Variants in SHANK2 observed in about 807,000 individuals in gnomAD.
SHANK2 encodes SH3 and multiple ankyrin repeat domains protein 2.
Under a neutral mutation model 133.7 loss-of-function variants are expected in SHANK2, and 43 were observed. That is an observed-to-expected ratio of 0.32 (90% CI 0.25 to 0.41). The LOEUF is 0.41. SHANK2 is among the 10% of genes least tolerant of loss of function. The probability of loss-of-function intolerance (pLI) is 1.00; values close to 1 mark genes in which losing one functional copy is unlikely to be tolerated. For synonymous variants in SHANK2, 1,017 were observed against 952.8 expected (o/e 1.07, Z -1.24); for missense variants, 1,994 against 2,235.8 (o/e 0.89, Z 2.18).
At chr11:70,929,333 A>G (rs552165449) in intron 10 of SHANK2, among the ~76,000 whole-genome samples, 1 of 152,292 alleles carries the variant, frequency 6.6e-6, no homozygotes, top group African/African-American at 2.4e-5. Context: ...AGCTGCTGGG[A>G]AGATTCAGTG....
intron 10 of SHANK2, among the ~76,000 whole-genome samples, chr11:70,896,857 A>G (rs1460786335): frequency 2.0e-5 from 3 of 152,176 alleles, no homozygotes; most frequent in African/African-American, 7.2e-5. Context: ...GCAGCTGAGG[A>G]TTCAACCAGG....
Position 70,468,349 on chromosome 11 carries a change from G to A in SHANK2, c.*4520C>T, listed in dbSNP as rs1476481688. The stretch of plus-strand genomic sequence containing the variant: ...AAAATCACCAATACAGCATGGATTA[G>A]AAATCAAAGTGATGAGATCTGCGGA... On this transcript the variant is annotated 3_prime_UTR_variant, in exon 26 of 26. Coordinates refer to ENST00000601538, the MANE Select transcript of SHANK2 (RefSeq NM_012309.5). The A allele has an allele frequency of 1.3e-5, 2 of 152,180 alleles. No individual in the cohort carries two copies. Among genetic ancestry groups the A allele is most frequent in the Non-Finnish European group, 2.9e-5 (2 of 68,032 alleles). 9.4% of individuals were successfully genotyped at this position (152,180 alleles called of 1,614,324 possible).
At chr11:71,240,801 G>C (rs1221804919) in intron 1 of SHANK2, 1 of 152,216 alleles carries the variant, frequency 6.6e-6, no homozygotes, top group East Asian at 1.9e-4. Flanking sequence ...TGCACCTGTA[G>C]TCTGTGTGTC....
At chr11:70,584,968 C>T (rs148948362) in intron 17 of SHANK2, among the ~76,000 whole-genome samples, 5 of 152,190 alleles carry the variant, frequency 3.3e-5, no homozygotes, top group Non-Finnish European at 7.3e-5. Flanking sequence ...TGCCTGAGAT[C>T]GTCAGCGGAG....
In SHANK2 at chr11:70,471,810, C is replaced by T. The variant is rs1296870552; in HGVS notation, c.*1059G>A. ...CAGAACTGAGGATGCTGTGCCCGCC[C>T]AGCTCCCAGAGGAGACGCTGTCTCA... is the stretch of plus-strand genomic sequence containing the variant. On this transcript the variant is annotated 3_prime_UTR_variant, in exon 26 of 26. Coordinates refer to ENST00000601538, the MANE Select transcript of SHANK2 (RefSeq NM_012309.5). The surrounding 1 kb of genome is among the most constrained non-coding windows in gnomAD (Gnocchi z 4.1). The T allele has an allele frequency of 5.4e-5, 9 of 165,606 alleles. No individual in the cohort carries two copies. In the East Asian group the frequency reaches 1.3e-3, roughly 24 times the overall value. 10.3% of individuals were successfully genotyped at this position (165,606 alleles called of 1,614,324 possible).
At position 70,783,790 on chromosome 11, in the gene SHANK2, G is replaced by A. The variant is rs180754885; in HGVS notation, c.1777+14653C>T. Among the ~76,000 whole-genome samples, 436 of 152,242 alleles carry A rather than the reference G, an allele frequency of 2.9e-3. 3 individuals are homozygous for A. Among genetic ancestry groups the A allele is most frequent in the African/African-American group, 0.01 (422 of 41,548 alleles). On this transcript the variant is annotated intron_variant, in intron 14 of 25. Transcript: ENST00000601538. ...GTGAACCTCTCTGTATGCTTGTTAC[G>A]CGCCACACAGAAAAATTAAAAATAA... is the stretch of plus-strand genomic sequence containing the variant.
intron 17 of SHANK2, among the ~76,000 whole-genome samples, chr11:70,540,377 C>CT (rs1565112301): frequency 6.6e-6 from 1 of 151,778 alleles, no homozygotes; most frequent in Non-Finnish European, 1.5e-5. Context: ...GGCTGGGGCC[C>CT]CTCCCTCCTG....
intron 17 of SHANK2, among the ~76,000 whole-genome samples, chr11:70,621,780 C>T (rs1431477646): frequency 6.6e-6 from 1 of 152,166 alleles, no homozygotes; most frequent in Non-Finnish European, 1.5e-5. Context: ...GGGGATGATC[C>T]ATTGCTGTAA....
At chr11:70,561,334 G>A (rs1365661093) in intron 17 of SHANK2, among the ~76,000 whole-genome samples, 1 of 151,928 alleles carries the variant, frequency 6.6e-6, no homozygotes, top group Non-Finnish European at 1.5e-5. Context: ...TTGTATTTCA[G>A]TAGAGACAAG....
chr11:70,482,934 C>T (rs1591483283), intron 25 of SHANK2, among the ~76,000 whole-genome samples: 1 of 152,190 alleles, frequency 6.6e-6, no homozygotes, highest in Non-Finnish European at 1.5e-5. Context: ...GCTGGCCCAG[C>T]CTGAAGACGA....
At chr11:71,203,758 C>A (rs192685971) in intron 2 of SHANK2, among the ~76,000 whole-genome samples, 83 of 152,252 alleles carry the variant, frequency 5.5e-4, no homozygotes, top group African/African-American at 1.9e-3. Flanking sequence ...ACAGTGGGGA[C>A]CCCAGGCCAC....
At chr11:70,476,230 A>C (rs972462556) in intron 25 of SHANK2, among the ~76,000 whole-genome samples, 1 of 152,098 alleles carries the variant, frequency 6.6e-6, no homozygotes, top group Non-Finnish European at 1.5e-5. Context: ...TTCTTCTCAA[A>C]AACAACAACA....
At chr11:71,178,688 C>G (rs1163706432) in intron 2 of SHANK2, among the ~76,000 whole-genome samples, 2 of 152,142 alleles carry the variant, frequency 1.3e-5, no homozygotes, top group African/African-American at 2.4e-5. Context: ...AAAAAGCATA[C>G]TTAGTATTAA....
In SHANK2 at chr11:70,486,767, T is replaced by G. The variant is rs782202182; in HGVS notation, c.3526A>C (p.Thr1176Pro). 1.2e-6 allele frequency: 2 copies of G among 1,611,366 alleles called. No homozygotes were observed. Among genetic ancestry groups the G allele is most frequent in the South Asian group, 2.2e-5 (2 of 91,072 alleles). The change falls in exon 25 of 26, where the codon ACG becomes CCG. Residue 1176 changes from threonine (T) to proline (P), a missense_variant. By Grantham distance (38) the Thr-to-Pro change is conservative. Coordinates refer to ENST00000601538, the MANE Select transcript of SHANK2 (RefSeq NM_012309.5). The surrounding 1 kb of genome is among the most constrained non-coding windows in gnomAD (Gnocchi z 8.0). ...CTCTCGGGCCCCTGGGCTTTGGACGTGGAATTCAGCGGCCTCCCAGCCTCA... is the reference window on the plus strand; with the variant it reads ...CTCTCGGGCCCCTGGGCTTTGGACGGGGAATTCAGCGGCCTCCCAGCCTCA... ...PGEAGRPLNS[T>P]SKAQGPESSP...
At chr11:70,765,874 T>G (rs559803198) in intron 14 of SHANK2, among the ~76,000 whole-genome samples, 1 of 152,332 alleles carries the variant, frequency 6.6e-6, no homozygotes, top group Non-Finnish European at 1.5e-5. Context: ...TATCCTGAAC[T>G]GCTCTGAAAT....
chr11:70,880,356 A>C (rs1949640807), intron 11 of SHANK2, among the ~76,000 whole-genome samples: 1 of 152,198 alleles, frequency 6.6e-6, no homozygotes, highest in African/African-American at 2.4e-5. Flanking sequence ...CTGCTGGAAG[A>C]GTCTACGAAG....
At chr11:70,519,555 G>A (rs1206223417) in intron 17 of SHANK2, among the ~76,000 whole-genome samples, 1 of 152,030 alleles carries the variant, frequency 6.6e-6, no homozygotes, top group Non-Finnish European at 1.5e-5. Flanking sequence ...GCTGAGGCAG[G>A]AGAATCGCTT....
chr11:71,186,408 T>C (rs782204244), intron 2 of SHANK2, among the ~76,000 whole-genome samples: 1 of 152,316 alleles, frequency 6.6e-6, no homozygotes, highest in East Asian at 1.9e-4. Flanking sequence ...TTAAGGTCTA[T>C]CAGTCATCCA....
At chr11:70,871,956 A>G (rs1413341049) in intron 11 of SHANK2, among the ~76,000 whole-genome samples, 1 of 152,216 alleles carries the variant, frequency 6.6e-6, no homozygotes, top group African/African-American at 2.4e-5. Context: ...TCTTGGATTA[A>G]GAACTCTTGT....
Sources: gnomAD v4.1 joint callset for allele counts (sites outside exome capture counted in the v4.1 genomes callset) on GRCh38, gnomAD v4.1.1 for gene constraint, Gnocchi (gnomAD v3.1) non-coding constraint, MANE v1.5 for transcripts, NCBI Gene and HGNC (gene_info 2026-07-23, HGNC 2026-07-21) for gene names.